Variants in SGCZ observed in about 807,000 individuals in gnomAD.
The protein encoded by SGCZ is sarcoglycan zeta, also known as zeta-sarcoglycan.
Under a neutral mutation model 41.3 loss-of-function variants are expected in SGCZ, and 40 were observed. That is an observed-to-expected ratio of 0.97 (90% CI 0.75 to 1.26). The LOEUF (loss-of-function observed/expected upper bound fraction) is 1.26, where lower values mean the gene tolerates loss of function less well. Ranked by LOEUF, SGCZ falls within the 50% of genes most tolerant of loss-of-function variation. The pLI is 0.00. For synonymous variants in SGCZ, 206 were observed against 137.5 expected (o/e 1.50, Z -3.49); for missense variants, 552 against 369.8 (o/e 1.49, Z -4.04).
At chr8:15,138,123 T>C (rs1040110364) in intron 1 of SGCZ, among the ~76,000 whole-genome samples, 10 of 152,184 alleles carry the variant, frequency 6.6e-5, no homozygotes, top group African/African-American at 2.4e-4. Context: ...TTTTGGAACT[T>C]TAAGGTTTAA....
At chr8:15,031,377 G>C (rs1803657112) in intron 1 of SGCZ, among the ~76,000 whole-genome samples, 1 of 152,160 alleles carries the variant, frequency 6.6e-6, no homozygotes, top group Admixed American at 6.5e-5. Context: ...AGGCAGTAGA[G>C]AGTGTTGAAT....
chr8:15,008,402 G>C lies in SGCZ; in HGVS notation c.39+229183C>G, dbSNP rs184096420. On this transcript the variant is annotated intron_variant, in intron 1 of 7. Coordinates refer to ENST00000382080, the MANE Select transcript of SGCZ (RefSeq NM_139167.4). ...TAGAAATGTTAATAGAAGGACAGTA[G>C]ATATAACCACAATTAGGAAAAACAA... Among the ~76,000 whole-genome samples, 443 of 151,044 alleles carry C rather than the reference G, an allele frequency of 2.9e-3. 5 individuals carry two copies. Among genetic ancestry groups the C allele is most frequent in the Admixed American group, 0.014 (216 of 15,146 alleles).
At chr8:14,201,138 T>A (rs1805441360) in intron 4 of SGCZ, among the ~76,000 whole-genome samples, 1 of 152,146 alleles carries the variant, frequency 6.6e-6, no homozygotes, top group African/African-American at 2.4e-5. Flanking sequence ...TTGCTTTGGA[T>A]ATAGAATGAA....
chr8:14,661,841 TA>T (rs34935358), intron 1 of SGCZ, among the ~76,000 whole-genome samples: 51,425 of 150,470 alleles, frequency 0.34, 11,236 homozygotes, highest in African/African-American at 0.63. Context: ...CTCAAATTGT[TA>T]AAAAAAAAAG....
At chr8:15,193,320 C>A (rs916219032) in intron 1 of SGCZ, among the ~76,000 whole-genome samples, 2 of 152,030 alleles carry the variant, frequency 1.3e-5, no homozygotes, top group East Asian at 3.8e-4. Context: ...AATTCTAAAG[C>A]ATTTAGGTAC....
intron 2 of SGCZ, among the ~76,000 whole-genome samples, chr8:14,531,749 C>T (rs1803139895): frequency 6.6e-6 from 1 of 151,974 alleles, no homozygotes; most frequent in South Asian, 2.1e-4. Context: ...ATTTTCTTTC[C>T]TATTCAAATC....
At chr8:14,474,355 G>T (rs1801298158) in intron 2 of SGCZ, among the ~76,000 whole-genome samples, 2 of 152,058 alleles carry the variant, frequency 1.3e-5, no homozygotes, top group South Asian at 4.1e-4. Flanking sequence ...GATGCATTTT[G>T]GGTCTATAGA....
At chr8:15,161,929 G>A (rs1276153334) in intron 1 of SGCZ, among the ~76,000 whole-genome samples, 3 of 152,128 alleles carry the variant, frequency 2.0e-5, no homozygotes, top group African/African-American at 7.2e-5. Context: ...CAGCTACTTG[G>A]CTGGGACACG....
At chr8:14,787,610 AC>A (rs1361731916) in intron 1 of SGCZ, among the ~76,000 whole-genome samples, 1 of 151,914 alleles carries the variant, frequency 6.6e-6, no homozygotes. Context: ...ACTTTGGGGG[AC>A]CAAAGTGGGC....
At chr8:15,161,840 G>C (rs1399316859) in intron 1 of SGCZ, among the ~76,000 whole-genome samples, 1 of 152,080 alleles carries the variant, frequency 6.6e-6, no homozygotes, top group Non-Finnish European at 1.5e-5. Flanking sequence ...TTCAAGACCA[G>C]CCTGGGCAAC....
At chr8:14,579,021 G>A (rs1241880887) in intron 1 of SGCZ, among the ~76,000 whole-genome samples, 1 of 151,908 alleles carries the variant, frequency 6.6e-6, no homozygotes, top group Non-Finnish European at 1.5e-5. Flanking sequence ...AATGATCTTT[G>A]CCTTTATCCA....
chr8:14,868,374 C>G (rs146317247), intron 1 of SGCZ, among the ~76,000 whole-genome samples: 1 of 152,118 alleles, frequency 6.6e-6, no homozygotes, highest in African/African-American at 2.4e-5. Context: ...ACCAGTACAG[C>G]CACCATCTAT....
Position 14,086,941 on chromosome 8 carries a change from C to A in SGCZ, c.*3502G>T, listed in dbSNP as rs1051565665. Among the ~76,000 whole-genome samples, 3 of 151,566 alleles carry A rather than the reference C, an allele frequency of 2.0e-5. No homozygotes were observed. Among genetic ancestry groups the A allele is most frequent in the Admixed American group, 6.6e-5 (1 of 15,184 alleles). On this transcript the variant is annotated 3_prime_UTR_variant, in exon 8 of 8. Coordinates refer to ENST00000382080, the MANE Select transcript of SGCZ (RefSeq NM_139167.4). The stretch of plus-strand genomic sequence containing the variant: ...TAAAGGAAATGTCTAGTTTGATATA[C>A]CCCTCTCACAGATAAGTGAACTGTG...
At chr8:15,220,636 C>A (rs1490450452) in intron 1 of SGCZ, among the ~76,000 whole-genome samples, 1 of 152,046 alleles carries the variant, frequency 6.6e-6, no homozygotes, top group African/African-American at 2.4e-5. Context: ...CTGGAAATAC[C>A]ATTTGACCCC....
At chr8:14,646,003 C>A (rs1460400789) in intron 1 of SGCZ, among the ~76,000 whole-genome samples, 1 of 105,822 alleles carries the variant, frequency 9.4e-6, no homozygotes, top group African/African-American at 3.2e-5. Context: ...ATCTCAGAAT[C>A]TTGAACAAAT....
chr8:15,180,142 A>G (rs1411028836), intron 1 of SGCZ, among the ~76,000 whole-genome samples: 2 of 152,230 alleles, frequency 1.3e-5, no homozygotes, highest in East Asian at 3.9e-4. Flanking sequence ...CCTAGTCATG[A>G]TAACAAGGAA....
intron 3 of SGCZ, among the ~76,000 whole-genome samples, chr8:14,242,846 G>C (rs1029202964): frequency 3.9e-5 from 6 of 152,038 alleles, no homozygotes; most frequent in Non-Finnish European, 8.8e-5. Context: ...TCTAATTCTA[G>C]ATTTTCTGAA....
At chr8:14,828,986 G>C (rs553297235) in intron 1 of SGCZ, among the ~76,000 whole-genome samples, 1 of 151,932 alleles carries the variant, frequency 6.6e-6, no homozygotes, top group African/African-American at 2.4e-5. Flanking sequence ...TCTTAAAAAC[G>C]AATCTAGAAA....
At chr8:14,818,842 T>C (rs967186928) in intron 1 of SGCZ, among the ~76,000 whole-genome samples, 4 of 151,980 alleles carry the variant, frequency 2.6e-5, no homozygotes, top group African/African-American at 9.7e-5. Flanking sequence ...ATTTCTGATT[T>C]TGAAGACAGG....
Sources: allele counts gnomAD v4.1 joint callset (sites outside exome capture counted in the v4.1 genomes callset), GRCh38; gene constraint gnomAD v4.1.1; transcripts MANE v1.5; gene names NCBI Gene and HGNC (gene_info 2026-07-23, HGNC 2026-07-21).